SRPK1: variants seen among roughly 807,000 people sequenced by gnomAD.
SRPK1 encodes SRSF protein kinase 1.
Under a neutral mutation model 89.5 loss-of-function variants are expected in SRPK1, and 52 were observed. That is an observed-to-expected ratio of 0.58 (90% CI 0.46 to 0.73). The LOEUF is 0.73. Among genes scored for constraint, SRPK1 ranks in the 30% least tolerant of loss-of-function variants. The pLI is 0.00. For missense variants in SRPK1, 603 were observed against 780.6 expected, an observed-to-expected ratio of 0.77 and a Z score of 2.71; for synonymous variants, 255 against 270.2, an observed-to-expected ratio of 0.94 and a Z score of 0.55.
chr6:35,880,929 G>C (rs1770274298), intron 6 of SRPK1, among the ~76,000 whole-genome samples: 1 of 151,600 alleles, frequency 6.6e-6, no homozygotes, highest in Non-Finnish European at 1.5e-5. Flanking sequence ...AGATTAAGAG[G>C]GAATCTTGAA....
chr6:35,918,308 C>T (rs1771157108), intron 2 of SRPK1, among the ~76,000 whole-genome samples: 1 of 152,086 alleles, frequency 6.6e-6, no homozygotes. Context: ...CGAGACCAGC[C>T]TGGGCAACAT....
In SRPK1 at chr6:35,869,001, T is replaced by C; in HGVS notation, c.1512+9A>G. 1 of 1,611,974 alleles carries C rather than the reference T, an allele frequency of 6.2e-7. No individual in the cohort carries two copies. On this transcript the variant is annotated intron_variant, in intron 12 of 15. Coordinates refer to ENST00000373825, the MANE Select transcript of SRPK1 (RefSeq NM_003137.5). ...ACTTCAAAACACCATTAAGGCAAGTTTAACTTACCACCCAACAAGCATTTC... is the reference window on the plus strand; with the variant it reads ...ACTTCAAAACACCATTAAGGCAAGTCTAACTTACCACCCAACAAGCATTTC...
chr6:35,856,314 T>C (rs1382934991), intron 13 of SRPK1, among the ~76,000 whole-genome samples: 1 of 151,772 alleles, frequency 6.6e-6, no homozygotes, highest in Non-Finnish European at 1.5e-5. Context: ...CTCTCAGACT[T>C]TCCCCTATGT....
chr6:35,837,427 TTAAC>T (rs1465560765), intron 15 of SRPK1, among the ~76,000 whole-genome samples: 3 of 152,202 alleles, frequency 2.0e-5, no homozygotes, highest in Non-Finnish European at 4.4e-5. Flanking sequence ...ACTATACATA[TTAAC>T]TGTTAGTAAG....
chr6:35,915,610 T>C (rs1771072560), intron 2 of SRPK1, among the ~76,000 whole-genome samples: 1 of 152,126 alleles, frequency 6.6e-6, no homozygotes, highest in Non-Finnish European at 1.5e-5. Context: ...GAATATTTAA[T>C]ACACGAAAAA....
intron 6 of SRPK1, among the ~76,000 whole-genome samples, chr6:35,875,408 G>C (rs1024119382): frequency 6.6e-6 from 1 of 152,230 alleles, no homozygotes; most frequent in East Asian, 1.9e-4. Flanking sequence ...TACAGATGGG[G>C]TTTCACCATA....
At chr6:35,859,399 AAAG>A (rs976745537) in intron 12 of SRPK1, among the ~76,000 whole-genome samples, 2 of 152,180 alleles carry the variant, frequency 1.3e-5, no homozygotes, top group Non-Finnish European at 2.9e-5. Context: ...AAAAAAGAAA[AAAG>A]AATAAAAAGC....
intron 13 of SRPK1, among the ~76,000 whole-genome samples, chr6:35,854,418 C>G (rs1037872445): frequency 3.9e-5 from 6 of 152,108 alleles, no homozygotes; most frequent in African/African-American, 1.4e-4. Flanking sequence ...TTCCGATATT[C>G]CAGAATTTTT....
Position 35,835,168 on chromosome 6 carries a change from A to G in SRPK1, c.*136T>C, listed in dbSNP as rs1769150540. 1 of 823,538 alleles carries G rather than the reference A, an allele frequency of 1.2e-6. No homozygotes were observed. Among genetic ancestry groups the G allele is most frequent in the South Asian group, 2.2e-5 (1 of 45,732 alleles). The allele number at this position is 823,538 out of a possible 1,614,324, so 51.0% of individuals were successfully genotyped here. A position where few individuals can be genotyped will look rare whatever the true frequency, so the allele number is the denominator to read the frequency against. On this transcript the variant is annotated 3_prime_UTR_variant, in exon 16 of 16. Transcript: ENST00000373825. The stretch of plus-strand genomic sequence containing the variant: ...GTCAAGTAAGCAAACCCAAATGAAC[A>G]TGTTGGATTAAAAAAAAAACAAGAT...
At chr6:35,839,630 G>C (rs1414685243) in intron 14 of SRPK1, among the ~76,000 whole-genome samples, 1 of 133,208 alleles carries the variant, frequency 7.5e-6, no homozygotes, top group Non-Finnish European at 1.6e-5. Context: ...TAGATCTACT[G>C]CCCCCCCCCT....
chr6:35,864,910 T>C (rs1262071347), intron 12 of SRPK1, among the ~76,000 whole-genome samples: 2 of 152,216 alleles, frequency 1.3e-5, no homozygotes, highest in Admixed American at 1.3e-4. Context: ...GAGATCATTA[T>C]GTTAGATGAG....
rs372814847 is a variant in SRPK1, at chr6:35,837,216, G to A, written c.1783+1121C>T. Among the ~76,000 whole-genome samples, 25 of 152,214 alleles carry A rather than the reference G, an allele frequency of 1.6e-4. No homozygotes were observed. In the East Asian group the frequency reaches 2.9e-3, roughly 18 times the overall value. On this transcript the variant is annotated intron_variant, in intron 15 of 15. Coordinates refer to ENST00000373825, the MANE Select transcript of SRPK1 (RefSeq NM_003137.5). ...CATAAAACTAAAAAGTGTGAAGTTC[G>A]TTTGTATGACTAATGTACTTCGAGT... is the stretch of plus-strand genomic sequence containing the variant.
At chr6:35,888,191 A>T in intron 4 of SRPK1, 80 bp from the exon 5 acceptor site, 1 of 873,018 alleles carries the variant, frequency 1.1e-6, no homozygotes, top group Non-Finnish European at 1.7e-6. Flanking sequence ...TAAGATGGTT[A>T]AAAAGGACAA....
intron 11 of SRPK1, 64 bp downstream of exon 11, chr6:35,869,418 T>C (rs1769982446): frequency 2.0e-6 from 3 of 1,531,626 alleles, no homozygotes; most frequent in African/African-American, 1.4e-5. Context: ...ATACTTTTAG[T>C]CTAGAAATCT....
In SRPK1 at chr6:35,869,578, CACTGAATG is replaced by C; in HGVS notation, c.1307_1314del (p.Ser436Ter). 1 of 1,613,944 alleles carries C rather than the reference CACTGAATG, an allele frequency of 6.2e-7. No individual in the cohort carries two copies. Among genetic ancestry groups the C allele is most frequent in the Non-Finnish European group, 8.5e-7 (1 of 1,179,882 alleles). On this transcript the variant is annotated frameshift_variant, in exon 11 of 16. Coordinates refer to ENST00000373825, the MANE Select transcript of SRPK1 (RefSeq NM_003137.5). LOFTEE classifies it high-confidence loss of function. ...TCTTGAAGTTGGCTAATGTGTTGTT[CACTGAATG>C]ACTGACCTACAGTTGAGGAAGACTG...
At chr6:35,844,761 C>T (rs567436812) in intron 13 of SRPK1, among the ~76,000 whole-genome samples, 1 of 152,164 alleles carries the variant, frequency 6.6e-6, no homozygotes, top group East Asian at 1.9e-4. Context: ...AGAAACAAAT[C>T]ATGATTCTTG....
At chr6:35,886,206 C>A (rs1290122919) in intron 6 of SRPK1, among the ~76,000 whole-genome samples, 2 of 151,620 alleles carry the variant, frequency 1.3e-5, no homozygotes, top group Non-Finnish European at 2.9e-5. Context: ...TCAGCCTCTC[C>A]AGTAGCTGGG....
chr6:35,849,451 TAG>T (rs1180070413), intron 13 of SRPK1, among the ~76,000 whole-genome samples: 1 of 152,128 alleles, frequency 6.6e-6, no homozygotes, highest in African/African-American at 2.4e-5. Flanking sequence ...AATCTAAAAA[TAG>T]AGTTACCATA....
intron 6 of SRPK1, among the ~76,000 whole-genome samples, chr6:35,877,802 C>G (rs1035167060): frequency 6.6e-6 from 1 of 150,588 alleles, no homozygotes; most frequent in Admixed American, 6.6e-5. Flanking sequence ...ACCACTGCAC[C>G]ACTGCACTCC....
Sources: allele counts gnomAD v4.1 joint callset (sites outside exome capture counted in the v4.1 genomes callset), GRCh38; gene constraint gnomAD v4.1.1; transcripts MANE v1.5; gene names NCBI Gene and HGNC (gene_info 2026-07-23, HGNC 2026-07-21).